Variants in BCAS3 observed in about 807,000 individuals in gnomAD.
BCAS3 encodes the protein BCAS3 microtubule associated cell migration factor, also known as BCAS4/BCAS3 fusion.
Under a neutral mutation model 116.1 loss-of-function variants are expected in BCAS3, and 53 were observed. That is an observed-to-expected ratio of 0.46 (90% CI 0.37 to 0.57). The LOEUF (loss-of-function observed/expected upper bound fraction) is 0.57, where lower values mean the gene tolerates loss of function less well. Among genes scored for constraint, BCAS3 ranks in the 20% least tolerant of loss-of-function variants. The pLI is 0.00. For missense variants in BCAS3, 917 were observed against 1,165.4 expected (o/e 0.79, Z 3.10); for synonymous variants, 391 against 408.2 (o/e 0.96, Z 0.51).
At chr17:61,292,826 C>T (rs1053522324) in intron 22 of BCAS3, among the ~76,000 whole-genome samples, 1 of 152,058 alleles carries the variant, frequency 6.6e-6, no homozygotes, top group Admixed American at 6.6e-5. Flanking sequence ...ATGCAAGTAA[C>T]GAAGTATGTG....
rs141942686 is a variant in BCAS3 at position 60,685,570 on chromosome 17, A to G, written c.138+1534A>G. ...AACCTTTCTAAACATCAGTATCCTT[A>G]TGTGTAAACTCGGGTTAATCATCTT... On this transcript the variant is annotated intron_variant, in intron 3 of 23. Coordinates refer to ENST00000407086, the MANE Select transcript of BCAS3 (RefSeq NM_017679.5). 1.5e-3 allele frequency among the ~76,000 whole-genome samples: 225 copies of G among 151,888 alleles called. 2 individuals are homozygous for G. The highest frequency in any genetic ancestry group is 5.2e-3 in the African/African-American group (214 of 41,434).
intron 22 of BCAS3, among the ~76,000 whole-genome samples, chr17:61,153,682 T>C (rs776213888): frequency 2.0e-5 from 3 of 152,248 alleles, no homozygotes; most frequent in Non-Finnish European, 4.4e-5. Context: ...ATCTCTACCA[T>C]TGTATGCCGT....
At chr17:61,357,225 A>G (rs1226919715) in intron 22 of BCAS3, among the ~76,000 whole-genome samples, 1 of 150,296 alleles carries the variant, frequency 6.7e-6, no homozygotes, top group Admixed American at 6.6e-5. Flanking sequence ...TGGGCAACGA[A>G]CAAGACTCCA....
chr17:61,185,298 TA>T (rs897000229), intron 22 of BCAS3, among the ~76,000 whole-genome samples: 1 of 151,802 alleles, frequency 6.6e-6, no homozygotes, highest in African/African-American at 2.4e-5. Flanking sequence ...TTTTCCAACT[TA>T]AAAAAAATAA....
rs1004935613 is a variant in BCAS3 at position 61,390,807 on chromosome 17, G to A, written c.2594-1170G>A. The A allele has an allele frequency of 2.0e-5, 3 of 152,348 alleles. No individual in the cohort carries two copies. The highest frequency in any genetic ancestry group is 6.5e-5 in the Admixed American group (1 of 15,288). 9.4% of individuals were successfully genotyped at this position (152,348 alleles called of 1,614,324 possible). On this transcript the variant is annotated intron_variant, in intron 23 of 23. Coordinates refer to ENST00000407086, the MANE Select transcript of BCAS3 (RefSeq NM_017679.5). The surrounding 1 kb of genome is among the most constrained non-coding windows in gnomAD (Gnocchi z 6.8). Reference sequence around the variant, plus strand: ...TCAAGCCAGACCAGACGAGTGCAACGTTTTTGCACATCTTGCTGTTTCAAG... The same window carrying A: ...TCAAGCCAGACCAGACGAGTGCAACATTTTTGCACATCTTGCTGTTTCAAG...
intron 9 of BCAS3, among the ~76,000 whole-genome samples, chr17:60,887,960 A>C (rs1380619232): frequency 6.6e-6 from 1 of 152,198 alleles, no homozygotes; most frequent in Non-Finnish European, 1.5e-5. Context: ...TCTTTGTCCA[A>C]TAAAATTGTA....
At position 60,846,544 on chromosome 17, in the gene BCAS3, C is replaced by G. The variant is rs2052556316; in HGVS notation, c.477-22032C>G. 4.6e-5 allele frequency among the ~76,000 whole-genome samples: 7 copies of G among 152,270 alleles called. No homozygotes were observed. The South Asian group carries it at 1.5e-3, about 32-fold the overall frequency. On this transcript the variant is annotated intron_variant, in intron 7 of 23. Coordinates refer to ENST00000407086, the MANE Select transcript of BCAS3 (RefSeq NM_017679.5). ...TGAGAGAAGTATGTTGAAGTCTTTC[C>G]TATTATAATTGTGGATTTGTCTATT...
chr17:60,769,388 G>A (rs982800052), intron 6 of BCAS3, among the ~76,000 whole-genome samples: 1 of 152,168 alleles, frequency 6.6e-6, no homozygotes, highest in Non-Finnish European at 1.5e-5. Context: ...TTGTGCTCTG[G>A]TCATACAACA....
intron 23 of BCAS3, among the ~76,000 whole-genome samples, chr17:61,371,667 C>A (rs80249824): frequency 6.6e-6 from 1 of 152,154 alleles, no homozygotes; most frequent in Non-Finnish European, 1.5e-5. Context: ...TTTCAAAACA[C>A]CATGTTGTAC....
intron 14 of BCAS3, among the ~76,000 whole-genome samples, chr17:60,979,491 T>C (rs2062649131): frequency 6.7e-6 from 1 of 149,228 alleles, no homozygotes; most frequent in Non-Finnish European, 1.5e-5. Flanking sequence ...CTTTATTTCC[T>C]TCTCTTGCCT....
chr17:60,796,698 C>T (rs9913880), intron 6 of BCAS3, among the ~76,000 whole-genome samples: 34,869 of 151,520 alleles, frequency 0.23, 7,223 homozygotes, highest in African/African-American at 0.56. Flanking sequence ...GTATTTTTTT[C>T]CCCAATTTCA....
In BCAS3 at chr17:61,378,680, G is replaced by A. The variant is rs1352914517; in HGVS notation, c.2593+10186G>A. The A allele has an allele frequency of 6.6e-6, 1 of 152,252 alleles. No homozygotes were observed. Among genetic ancestry groups the A allele is most frequent in the African/African-American group, 2.4e-5 (1 of 41,462 alleles). The allele number at this position is 152,252 out of a possible 1,614,324, so 9.4% of individuals were successfully genotyped here. On this transcript the variant is annotated intron_variant, in intron 23 of 23. Coordinates refer to ENST00000407086, the MANE Select transcript of BCAS3 (RefSeq NM_017679.5). The surrounding 1 kb of genome is among the most constrained non-coding windows in gnomAD (Gnocchi z 5.8). ...CCAGGCTGAGCCTCAGTTAATGTTT[G>A]TTGAGTGACTGGATGGGTTTCTGTG...
At chr17:61,047,274 G>A (rs910084340) in intron 19 of BCAS3, among the ~76,000 whole-genome samples, 3 of 151,948 alleles carry the variant, frequency 2.0e-5, no homozygotes, top group Non-Finnish European at 2.9e-5. Context: ...ATACTAGAAT[G>A]TTCCATACAG....
intron 7 of BCAS3, among the ~76,000 whole-genome samples, chr17:60,833,079 C>T (rs2051078185): frequency 1.3e-5 from 2 of 152,132 alleles, no homozygotes. Context: ...ATTGCCCAGG[C>T]TGGTCTCAAA....
chr17:60,681,196 CTG>C (rs1192223200), intron 2 of BCAS3, among the ~76,000 whole-genome samples: 1 of 152,020 alleles, frequency 6.6e-6, no homozygotes, highest in Admixed American at 6.6e-5. Flanking sequence ...CAGAGTGAGA[CTG>C]TGTCTTAAAA....
Position 61,261,454 on chromosome 17 carries a change from C to T in BCAS3, c.2426-106873C>T, listed in dbSNP as rs2049193906. On this transcript the variant is annotated intron_variant, in intron 22 of 23. Coordinates refer to ENST00000407086, the MANE Select transcript of BCAS3 (RefSeq NM_017679.5). This position sits in a 1 kb window ranked among gnomAD's most constrained non-coding sequence, Gnocchi z 4.4. Reference sequence around the variant, plus strand: ...GCTTGTAAAGTTTTTTTTATCATTCCTTTCCAGATTGTGTGGGCCACACTG... The same window carrying T: ...GCTTGTAAAGTTTTTTTTATCATTCTTTTCCAGATTGTGTGGGCCACACTG... Among the ~76,000 whole-genome samples, 1 of 152,122 alleles carries T rather than the reference C, an allele frequency of 6.6e-6. No homozygotes were observed. The highest frequency in any genetic ancestry group is 1.5e-5 in the Non-Finnish European group (1 of 68,016).
intron 6 of BCAS3, among the ~76,000 whole-genome samples, chr17:60,804,497 C>T (rs1426193162): frequency 6.6e-6 from 1 of 151,918 alleles, no homozygotes; most frequent in African/African-American, 2.4e-5. Context: ...AACACACACA[C>T]AAAAAACAAA....
At chr17:60,857,857 T>C (rs996434868) in intron 7 of BCAS3, among the ~76,000 whole-genome samples, 1 of 152,234 alleles carries the variant, frequency 6.6e-6, no homozygotes, top group Admixed American at 6.5e-5. Context: ...AAATAGTTTA[T>C]GGTTCTGACA....
intron 22 of BCAS3, among the ~76,000 whole-genome samples, chr17:61,149,547 C>G (rs2077432963): frequency 6.6e-6 from 1 of 152,024 alleles, no homozygotes; most frequent in African/African-American, 2.4e-5. Context: ...ATTTTTCATT[C>G]TGAACTTTTA....
Sources: gnomAD v4.1 joint callset for allele counts (sites outside exome capture counted in the v4.1 genomes callset) on GRCh38, gnomAD v4.1.1 for gene constraint, Gnocchi (gnomAD v3.1) non-coding constraint, MANE v1.5 for transcripts, NCBI Gene and HGNC (gene_info 2026-07-23, HGNC 2026-07-21) for gene names.